The following GRM3 variants were observed in gnomAD, a reference collection of about 807,000 sequenced individuals.
GRM3 encodes glutamate metabotropic receptor 3.
GRM3 carries 26 observed loss-of-function variants against 70.5 expected under a neutral mutation model. The observed-to-expected ratio is 0.37, with a 90% CI of 0.27 to 0.51. GRM3 has a LOEUF of 0.51. Among genes scored for constraint, GRM3 ranks in the 20% least tolerant of loss-of-function variants. The pLI is 0.93. For missense variants in GRM3, 859 were observed against 1,123.8 expected (o/e 0.76, Z 3.37); for synonymous variants, 443 against 434.9 (o/e 1.02, Z -0.23).
At chr7:86,734,406 T>C (rs1005756498) in intron 1 of GRM3, among the ~76,000 whole-genome samples, 6 of 152,158 alleles carry the variant, frequency 3.9e-5, no homozygotes, top group Non-Finnish European at 8.8e-5. Context: ...AATTCTGCCA[T>C]TTGAAACTAT....
chr7:86,704,897 A>G (rs1381119789), intron 1 of GRM3, among the ~76,000 whole-genome samples: 3 of 151,882 alleles, frequency 2.0e-5, no homozygotes, highest in African/African-American at 7.2e-5. Context: ...AGAAACTTCA[A>G]GTGTGCAAAA....
Position 86,777,170 on chromosome 7 carries a change from C to T in GRM3, c.469-9091C>T, listed in dbSNP as rs373925196. Among the ~76,000 whole-genome samples, 151 of 152,200 alleles carry T rather than the reference C, an allele frequency of 9.9e-4. 4 individuals are homozygous for T. In the South Asian group the frequency reaches 0.029, roughly 29 times the overall value. On this transcript the variant is annotated intron_variant, in intron 2 of 5. Coordinates refer to ENST00000361669, the MANE Select transcript of GRM3 (RefSeq NM_000840.3). ...ACCAGTCTCCTGAAATGATAGGATT[C>T]GAGGAATCCTTTGTGGTCTGCATAT...
chr7:86,722,433 T>C (rs1795489505), intron 1 of GRM3, among the ~76,000 whole-genome samples: 1 of 152,040 alleles, frequency 6.6e-6, no homozygotes, highest in South Asian at 2.1e-4. Context: ...TAAAAAAGGA[T>C]GAGTTAATAT....
intron 4 of GRM3, among the ~76,000 whole-genome samples, chr7:86,844,412 AGAGTGATTTGATAT>A (rs982977787): frequency 6.6e-6 from 1 of 152,208 alleles, no homozygotes; most frequent in Non-Finnish European, 1.5e-5. Context: ...ACTAAATGGA[AGAGTGATTTGATAT>A]GAGAAATAGG....
intron 3 of GRM3, 35 bp downstream of exon 3, chr7:86,787,151 C>T: frequency 6.5e-7 from 1 of 1,527,584 alleles, no homozygotes; most frequent in Non-Finnish European, 8.9e-7. Context: ...TTCTCAGATG[C>T]AAACAAGTGA....
intron 3 of GRM3, among the ~76,000 whole-genome samples, chr7:86,790,841 T>A (rs1480817594): frequency 6.6e-6 from 1 of 152,114 alleles, no homozygotes; most frequent in Non-Finnish European, 1.5e-5. Flanking sequence ...CTCTGGCCAT[T>A]CTTAACAGTG....
chr7:86,784,286 G>A (rs1349983690), intron 2 of GRM3: 1 of 151,646 alleles, frequency 6.6e-6, no homozygotes, highest in African/African-American at 2.4e-5. Context: ...GTTTAGGATT[G>A]TTTCACTGTG....
At position 86,709,748 on chromosome 7, in the gene GRM3, G is replaced by C. The variant is rs571509019; in HGVS notation, c.-140-55258G>C. Among the ~76,000 whole-genome samples, 3 of 152,124 alleles carry C rather than the reference G, an allele frequency of 2.0e-5. No individual in the cohort carries two copies. The East Asian group carries it at 5.8e-4, about 30-fold the overall frequency. ...AGTTCTATAAATTGTACAGATCTAGGAATGCTGAAATTTATAAAATTAGGA... is the reference window on the plus strand; with the variant it reads ...AGTTCTATAAATTGTACAGATCTAGCAATGCTGAAATTTATAAAATTAGGA... On this transcript the variant is annotated intron_variant, in intron 1 of 5. Coordinates refer to ENST00000361669, the MANE Select transcript of GRM3 (RefSeq NM_000840.3).
At chr7:86,772,683 C>T (rs763371343) in intron 2 of GRM3, among the ~76,000 whole-genome samples, 1 of 152,032 alleles carries the variant, frequency 6.6e-6, no homozygotes, top group Non-Finnish European at 1.5e-5. Context: ...AGATGCTGTG[C>T]TTGTAGCTAA....
chr7:86,758,891 G>A (rs535092255), intron 1 of GRM3, among the ~76,000 whole-genome samples: 5 of 152,112 alleles, frequency 3.3e-5, no homozygotes, highest in South Asian at 4.2e-4. Context: ...GACTGGCAAC[G>A]TCCCTCTCTT....
At chr7:86,782,385 T>C (rs1354580026) in intron 2 of GRM3, among the ~76,000 whole-genome samples, 2 of 152,012 alleles carry the variant, frequency 1.3e-5, no homozygotes, top group Non-Finnish European at 1.5e-5. Context: ...TTTATATTAT[T>C]TGTACTGCCA....
chr7:86,737,953 C>T (rs1339627727), intron 1 of GRM3, among the ~76,000 whole-genome samples: 2 of 152,184 alleles, frequency 1.3e-5, no homozygotes, highest in Admixed American at 1.3e-4. Context: ...TGCACATTCC[C>T]CTCACCATTT....
chr7:86,788,127 GT>G (rs1284171251), intron 3 of GRM3, among the ~76,000 whole-genome samples: 1 of 152,170 alleles, frequency 6.6e-6, no homozygotes, highest in Non-Finnish European at 1.5e-5. Flanking sequence ...CTCAGGCATC[GT>G]TCCAATCTGC....
chr7:86,842,005 A>G (rs1003739818), intron 4 of GRM3, among the ~76,000 whole-genome samples: 15 of 152,208 alleles, frequency 9.9e-5, no homozygotes, highest in African/African-American at 3.1e-4. Context: ...AGTTTACAAA[A>G]GAAATGAGAA....
At chr7:86,791,984 G>A (rs1383993990) in intron 3 of GRM3, among the ~76,000 whole-genome samples, 3 of 152,174 alleles carry the variant, frequency 2.0e-5, no homozygotes, top group African/African-American at 7.2e-5. Flanking sequence ...TGAGAATTAT[G>A]TTTGGTGTCA....
At chr7:86,687,863 TTAA>T (rs1178441137) in intron 1 of GRM3, among the ~76,000 whole-genome samples, 3 of 151,772 alleles carry the variant, frequency 2.0e-5, no homozygotes, top group Non-Finnish European at 3.0e-5. Flanking sequence ...TGTATTGTAA[TTAA>T]TAATGTAACA....
chr7:86,647,946 T>G (rs938583749), intron 1 of GRM3, among the ~76,000 whole-genome samples: 3 of 152,234 alleles, frequency 2.0e-5, no homozygotes, highest in African/African-American at 7.2e-5. Flanking sequence ...TTAAGAACTT[T>G]GTTGTGATAT....
intron 2 of GRM3, among the ~76,000 whole-genome samples, chr7:86,767,367 A>C (rs1029029674): frequency 1.2e-4 from 18 of 151,700 alleles, no homozygotes; most frequent in South Asian, 8.3e-4. Context: ...AACTGGTTTT[A>C]AATAAACATC....
At chr7:86,646,745 A>G (rs989414292) in intron 1 of GRM3, among the ~76,000 whole-genome samples, 1 of 152,126 alleles carries the variant, frequency 6.6e-6, no homozygotes, top group Non-Finnish European at 1.5e-5. Flanking sequence ...ATGTCTTTCT[A>G]TTTATTTAAA....
Sources: gnomAD v4.1 joint callset for allele counts (sites outside exome capture counted in the v4.1 genomes callset) on GRCh38, gnomAD v4.1.1 for gene constraint, MANE v1.5 for transcripts, NCBI Gene and HGNC (gene_info 2026-07-23, HGNC 2026-07-21) for gene names.